The following TYR variants were observed in gnomAD, a reference collection of about 807,000 sequenced individuals.
The protein encoded by TYR is tyrosinase, also known as LB24-AB.
TYR carries 58 observed loss-of-function variants against 51.5 expected under a neutral mutation model. That is an observed-to-expected ratio of 1.13 (90% CI 0.91 to 1.40). The LOEUF is 1.40. Among genes scored for constraint, TYR ranks in the 40% most tolerant of loss-of-function variants. The pLI, the probability that TYR is intolerant of heterozygous loss-of-function variation, is 0.00. For missense variants in TYR, 732 were observed against 647.4 expected (o/e 1.13, Z -1.42); for synonymous variants, 263 against 235.2 (o/e 1.12, Z -1.08).
intron 3 of TYR, among the ~76,000 whole-genome samples, chr11:89,247,186 T>C (rs1176425074): frequency 6.6e-6 from 1 of 152,190 alleles, no homozygotes; most frequent in Non-Finnish European, 1.5e-5. Flanking sequence ...ACTCTGTGCT[T>C]GTTAGACTGA....
intron 2 of TYR, among the ~76,000 whole-genome samples, chr11:89,198,955 C>T (rs1434528660): frequency 6.6e-6 from 1 of 152,066 alleles, no homozygotes; most frequent in East Asian, 1.9e-4. Flanking sequence ...GTTCCCCACC[C>T]TGTGTCCAAG....
chr11:89,221,777 A>G (rs889502820), intron 2 of TYR, among the ~76,000 whole-genome samples: 4 of 152,180 alleles, frequency 2.6e-5, no homozygotes, highest in Non-Finnish European at 4.4e-5. Flanking sequence ...CTCTTCTCCA[A>G]TTCCATCTCT....
At position 89,188,632 on chromosome 11, in the gene TYR, A is replaced by G. The variant is rs77190406; in HGVS notation, c.820-2570A>G. Among the ~76,000 whole-genome samples, 294 of 152,174 alleles carry G rather than the reference A, an allele frequency of 1.9e-3. 1 individual carries two copies. The highest frequency in any genetic ancestry group is 6.9e-3 in the African/African-American group (288 of 41,546). ...TATTGAGAAGGGTTACACACTTTGA[A>G]CTTTTGCTAGCTAGTGCTAACCAGC... On this transcript the variant is annotated intron_variant, in intron 1 of 4. Coordinates refer to ENST00000263321, the MANE Select transcript of TYR (RefSeq NM_000372.5).
intron 2 of TYR, among the ~76,000 whole-genome samples, chr11:89,206,648 A>G (rs1818704053): frequency 7.1e-6 from 1 of 141,800 alleles, no homozygotes; most frequent in South Asian, 2.1e-4. Flanking sequence ...CATTGATAGA[A>G]CATTCCATTC....
At chr11:89,183,678 G>A (rs945995722) in intron 1 of TYR, among the ~76,000 whole-genome samples, 6 of 152,034 alleles carry the variant, frequency 3.9e-5, no homozygotes, top group Admixed American at 3.9e-4. Flanking sequence ...TCAATAAGAT[G>A]TGTTTATATG....
At chr11:89,240,627 T>A (rs376699408) in intron 3 of TYR, among the ~76,000 whole-genome samples, 21 of 152,266 alleles carry the variant, frequency 1.4e-4, no homozygotes, top group Middle Eastern at 3.4e-3. Context: ...TTCATGGCTT[T>A]AAGGTCATGA....
At chr11:89,204,350 G>A (rs1289746656) in intron 2 of TYR, among the ~76,000 whole-genome samples, 2 of 151,904 alleles carry the variant, frequency 1.3e-5, no homozygotes, top group Non-Finnish European at 2.9e-5. Context: ...ATAATGCAGT[G>A]TTTCCCTTCT....
At chr11:89,287,753 C>A (rs921199336) in intron 4 of TYR, among the ~76,000 whole-genome samples, 2 of 151,860 alleles carry the variant, frequency 1.3e-5, no homozygotes, top group African/African-American at 2.4e-5. Context: ...ATTATTGCAG[C>A]TTCAGTATGC....
At chr11:89,181,528 A>G (rs1487147512) in intron 1 of TYR, among the ~76,000 whole-genome samples, 1 of 152,200 alleles carries the variant, frequency 6.6e-6, no homozygotes, top group East Asian at 1.9e-4. Context: ...GATGAGATCA[A>G]ATAGTTTCTA....
At chr11:89,249,544 A>C (rs1028422377) in intron 3 of TYR, among the ~76,000 whole-genome samples, 2 of 151,576 alleles carry the variant, frequency 1.3e-5, no homozygotes, top group African/African-American at 4.8e-5. Context: ...GAGGAGAGAA[A>C]AGTACTTGTT....
chr11:89,211,725 G>T (rs536140279), intron 2 of TYR, among the ~76,000 whole-genome samples: 1 of 152,218 alleles, frequency 6.6e-6, no homozygotes, highest in Admixed American at 6.5e-5. Flanking sequence ...AAATGTAAAA[G>T]AACAGAATCA....
chr11:89,217,928 T>A (rs1407881689), intron 2 of TYR, among the ~76,000 whole-genome samples: 6 of 152,188 alleles, frequency 3.9e-5, no homozygotes, highest in Non-Finnish European at 5.9e-5. Flanking sequence ...TTCCCAAAAA[T>A]TTATTATTCC....
intron 3 of TYR, among the ~76,000 whole-genome samples, chr11:89,263,785 G>A (rs991626940): frequency 6.6e-6 from 1 of 151,954 alleles, no homozygotes; most frequent in African/African-American, 2.4e-5. Context: ...AACCAAATCA[G>A]GGCAAGACTT....
At chr11:89,262,847 C>CAAAAAA (rs771958187) in intron 3 of TYR, among the ~76,000 whole-genome samples, 110 of 19,206 alleles carry the variant, frequency 5.7e-3, no homozygotes, top group East Asian at 7.6e-3. Context: ...GCTACTCATC[C>CAAAAAA]AAAAAAAAAA....
chr11:89,201,424 G>A (rs893310054), intron 2 of TYR, among the ~76,000 whole-genome samples: 1 of 152,016 alleles, frequency 6.6e-6, no homozygotes. Context: ...TTCCCTAGAC[G>A]AACATATTTC....
intron 3 of TYR, among the ~76,000 whole-genome samples, chr11:89,236,507 T>A (rs1293042480): frequency 6.6e-6 from 1 of 152,162 alleles, no homozygotes; most frequent in African/African-American, 2.4e-5. Flanking sequence ...TAAGCAAAGA[T>A]CAAGGTAATT....
chr11:89,212,132 CA>C (rs1162155868), intron 2 of TYR, among the ~76,000 whole-genome samples: 1 of 151,858 alleles, frequency 6.6e-6, no homozygotes, highest in African/African-American at 2.4e-5. Context: ...AAAATCCCTT[CA>C]AAAAAATCAA....
chr11:89,191,997 C>T (rs1265414980), intron 2 of TYR: 2 of 448,742 alleles, frequency 4.5e-6, no homozygotes, highest in Admixed American at 4.9e-5. Context: ...TAGTTTTCTC[C>T]TGTTTAAAAT....
chr11:89,219,038 G>C (rs1943873115), intron 2 of TYR, among the ~76,000 whole-genome samples: 1 of 152,096 alleles, frequency 6.6e-6, no homozygotes, highest in African/African-American at 2.4e-5. Flanking sequence ...TACCTCATAT[G>C]CTATTGTGAA....
Sources: gnomAD v4.1 joint callset for allele counts (sites outside exome capture counted in the v4.1 genomes callset) on GRCh38, gnomAD v4.1.1 for gene constraint, MANE v1.5 for transcripts, NCBI Gene and HGNC (gene_info 2026-07-23, HGNC 2026-07-21) for gene names.